The following USP37 variants were observed in gnomAD, a reference collection of about 807,000 sequenced individuals.
USP37 encodes the protein ubiquitin carboxyl-terminal hydrolase 37.
Under a neutral mutation model 124.0 loss-of-function variants are expected in USP37, and 27 were observed. The observed-to-expected ratio is 0.22, with a 90% confidence interval of 0.16 to 0.30. The LOEUF is 0.30. Among genes scored for constraint, USP37 ranks in the 10% least tolerant of loss-of-function variants. The pLI is 1.00. For synonymous variants in USP37, 365 were observed against 388.0 expected, an observed-to-expected ratio of 0.94 and a Z score of 0.70; for missense variants, 889 against 1,140.4, an observed-to-expected ratio of 0.78 and a Z score of 3.17.
At chr2:218,507,931 T>C (rs1403692730) in intron 11 of USP37, among the ~76,000 whole-genome samples, 1 of 152,212 alleles carries the variant, frequency 6.6e-6, no homozygotes, top group East Asian at 1.9e-4. Flanking sequence ...TATTGGATTT[T>C]ATGTTTCTGG....
chr2:218,454,905 T>C lies in USP37; in HGVS notation c.*25A>G. ...GCAGCAGTAACAAATATGCAGTGCA[T>C]GCTGCCAACCCAGGAGTTTGTTCCT... On this transcript the variant is annotated 3_prime_UTR_variant, in exon 26 of 26. Transcript: ENST00000258399. The C allele has an allele frequency of 6.2e-7, 1 of 1,612,078 alleles. No homozygotes were observed. The highest frequency in any genetic ancestry group is 8.5e-7 in the Non-Finnish European group (1 of 1,179,566).
chr2:218,486,304 G>A (rs938497920), intron 15 of USP37: 1 of 152,202 alleles, frequency 6.6e-6, no homozygotes, highest in Non-Finnish European at 1.5e-5. Flanking sequence ...AAATACATAG[G>A]AAAATCTTCA....
chr2:218,546,975 C>T lies in USP37; in HGVS notation c.546G>A (p.Thr182=), dbSNP rs773661362. The T allele has an allele frequency of 8.1e-6, 13 of 1,612,870 alleles. No individual in the cohort carries two copies. Among genetic ancestry groups the T allele is most frequent in the African/African-American group, 5.3e-5 (4 of 74,840 alleles). Residue 182 remains threonine, a synonymous_variant, in exon 7 of 26, where the codon ACG becomes ACA. Coordinates refer to ENST00000258399, the MANE Select transcript of USP37 (RefSeq NM_020935.3). ...TTGAAGTAGATGTCAAAGAAGGAAT[C>T]GTCCGAGCTATTCCACTTCCTGCTA... The part of the protein sequence containing the change: ...KTVAGSGIAR[T]IPSLTSTSTP...
chr2:218,528,755 T>G (rs1182595788), intron 10 of USP37: 1 of 311,468 alleles, frequency 3.2e-6, no homozygotes, highest in African/African-American at 2.5e-5. Context: ...TCACATGTTC[T>G]CAACAAGTGC....
chr2:218,552,705 A>C (rs1478555887), intron 5 of USP37, among the ~76,000 whole-genome samples: 1 of 152,216 alleles, frequency 6.6e-6, no homozygotes. Context: ...GAGGAACCTG[A>C]TCATACCATG....
chr2:218,510,357 C>G (rs981538226), intron 10 of USP37, among the ~76,000 whole-genome samples: 12 of 152,218 alleles, frequency 7.9e-5, no homozygotes, highest in African/African-American at 2.6e-4. Context: ...CATATTTAAC[C>G]TACAACCAAA....
At chr2:218,520,460 G>A (rs1030536138) in intron 10 of USP37, among the ~76,000 whole-genome samples, 2 of 149,942 alleles carry the variant, frequency 1.3e-5, no homozygotes, top group South Asian at 2.1e-4. Context: ...AGCGATTCTC[G>A]TGTCTCAGCA....
At chr2:218,504,404 T>C (rs1010834303) in intron 11 of USP37, among the ~76,000 whole-genome samples, 5 of 152,222 alleles carry the variant, frequency 3.3e-5, no homozygotes, top group African/African-American at 1.2e-4. Context: ...TCATAAATTT[T>C]TAAAATCATC....
intron 19 of USP37, among the ~76,000 whole-genome samples, 183 bp downstream of exon 19, chr2:218,476,657 A>C (rs1489411460): frequency 6.6e-6 from 1 of 152,238 alleles, no homozygotes; most frequent in African/African-American, 2.4e-5. Context: ...AAAAGAAAGT[A>C]ATTTGTTTAG....
At chr2:218,524,798 C>T (rs900051833) in intron 10 of USP37, among the ~76,000 whole-genome samples, 55 of 152,148 alleles carry the variant, frequency 3.6e-4, no homozygotes, top group African/African-American at 8.4e-4. Context: ...TTAGTAAAGA[C>T]AGCGTTTCGC....
At chr2:218,544,406 A>AAAAAAAAAAAAT (rs1312705279) in intron 8 of USP37, among the ~76,000 whole-genome samples, 1 of 82,994 alleles carries the variant, frequency 1.2e-5, no homozygotes, top group African/African-American at 6.9e-5. Context: ...AAAAAAAAAA[A>AAAAAAAAAAAAT]ATATATATAT....
chr2:218,528,661 T>C, intron 10 of USP37: 3 of 422,210 alleles, frequency 7.1e-6, no homozygotes, highest in Non-Finnish European at 1.3e-5. Context: ...ATTTTCTTTA[T>C]CCTGTCTATC....
At chr2:218,501,832 G>GCA (rs1689406034) in intron 11 of USP37, among the ~76,000 whole-genome samples, 3 of 152,184 alleles carry the variant, frequency 2.0e-5, no homozygotes, top group African/African-American at 7.2e-5. Flanking sequence ...ACCAACCTGT[G>GCA]TATGCAGAGT....
intron 17 of USP37, among the ~76,000 whole-genome samples, chr2:218,481,664 A>G (rs1691274070): frequency 6.7e-6 from 1 of 148,458 alleles, no homozygotes; most frequent in East Asian, 2.0e-4. Context: ...TCTTGGTCTG[A>G]TTTCTTTTCT....
intron 9 of USP37, 120 bp downstream of exon 9, chr2:218,534,489 A>C: frequency 2.2e-6 from 1 of 459,022 alleles, no homozygotes; most frequent in Admixed American, 4.9e-5. Flanking sequence ...ACTCCGTCTC[A>C]AAAAATATAT....
chr2:218,515,654 A>G (rs918161332), intron 10 of USP37, among the ~76,000 whole-genome samples: 16 of 152,258 alleles, frequency 1.1e-4, no homozygotes, highest in African/African-American at 3.6e-4. Context: ...CTTCATGACT[A>G]AAACACCAAA....
intron 15 of USP37, 52 bp downstream of exon 15, chr2:218,488,252 C>T (rs1186399970): frequency 9.5e-6 from 10 of 1,054,568 alleles, no homozygotes; most frequent in Non-Finnish European, 1.4e-5. Context: ...TCAAATACAA[C>T]TATCAATGAT....
chr2:218,524,504 T>C (rs1690841233), intron 10 of USP37, among the ~76,000 whole-genome samples: 1 of 152,242 alleles, frequency 6.6e-6, no homozygotes, highest in Non-Finnish European at 1.5e-5. Flanking sequence ...CCTGTATTTC[T>C]TTTGTCCAAT....
intron 11 of USP37, among the ~76,000 whole-genome samples, chr2:218,507,511 TA>T (rs891913455): frequency 7.2e-5 from 11 of 152,184 alleles, no homozygotes; most frequent in African/African-American, 2.4e-4. Flanking sequence ...TGGTTTGTTC[TA>T]GGGGGCAGAA....
Sources: allele counts gnomAD v4.1 joint callset (sites outside exome capture counted in the v4.1 genomes callset), GRCh38; gene constraint gnomAD v4.1.1; transcripts MANE v1.5; gene names NCBI Gene and HGNC (gene_info 2026-07-23, HGNC 2026-07-21).